Variants in PRDM5 observed in about 807,000 individuals in gnomAD.
The protein encoded by PRDM5 is PR/SET domain 5.
Under a neutral mutation model 81.2 loss-of-function variants are expected in PRDM5, and 56 were observed. That is an observed-to-expected ratio of 0.69 (90% CI 0.56 to 0.86). The LOEUF (loss-of-function observed/expected upper bound fraction) is 0.86, where lower values mean the gene tolerates loss of function less well. Ranked by LOEUF, PRDM5 falls within the 40% of genes least tolerant of loss-of-function variation. The probability of loss-of-function intolerance (pLI) is 0.00; values close to 1 mark genes in which losing one functional copy is unlikely to be tolerated. For missense variants in PRDM5, 697 were observed against 770.1 expected (o/e 0.91, Z 1.12); for synonymous variants, 267 against 256.4 (o/e 1.04, Z -0.39).
chr4:120,892,813 C>T (rs999008177), intron 2 of PRDM5, among the ~76,000 whole-genome samples: 2 of 152,202 alleles, frequency 1.3e-5, no homozygotes, highest in Non-Finnish European at 1.5e-5. Flanking sequence ...AGCTCTATCA[C>T]GTATTGCCTG....
chr4:120,761,320 C>G (rs1379917145), intron 13 of PRDM5, among the ~76,000 whole-genome samples: 2 of 152,150 alleles, frequency 1.3e-5, no homozygotes, highest in African/African-American at 2.4e-5. Flanking sequence ...CTGGCCCCAA[C>G]AAGCTACCTT....
rs149869062 is a variant in PRDM5 at position 120,811,800 on chromosome 4, T to G, written c.866-351A>C. On this transcript the variant is annotated intron_variant, in intron 7 of 15. Transcript: ENST00000264808. The stretch of plus-strand genomic sequence containing the variant: ...TTTTCGGGTACATGTGATGTTTCAA[T>G]ATAGGCATGCAATGTGTAATAATCA... Among the ~76,000 whole-genome samples, 117 of 152,216 alleles carry G rather than the reference T, an allele frequency of 7.7e-4. 1 individual carries two copies. The East Asian group carries it at 0.022, about 28-fold the overall frequency.
intron 8 of PRDM5, among the ~76,000 whole-genome samples, chr4:120,804,325 G>C (rs540118680): frequency 6.6e-6 from 1 of 151,672 alleles, no homozygotes; most frequent in South Asian, 2.1e-4. Flanking sequence ...TCCAGGAATT[G>C]AACTCAGCTC....
At chr4:120,701,983 T>G (rs1211882979) in intron 15 of PRDM5, among the ~76,000 whole-genome samples, 1 of 152,188 alleles carries the variant, frequency 6.6e-6, no homozygotes, top group East Asian at 1.9e-4. Context: ...GTGGTACAAC[T>G]TCCCCTCTCT....
chr4:120,742,618 A>G (rs1312714174), intron 14 of PRDM5, among the ~76,000 whole-genome samples: 1 of 152,238 alleles, frequency 6.6e-6, no homozygotes, highest in Non-Finnish European at 1.5e-5. Flanking sequence ...AGGCTTGAGA[A>G]CTACGTGAAG....
intron 14 of PRDM5, among the ~76,000 whole-genome samples, chr4:120,733,940 A>G (rs1241569580): frequency 6.6e-6 from 1 of 151,890 alleles, no homozygotes; most frequent in Non-Finnish European, 1.5e-5. Context: ...TTAATGTACC[A>G]GTAAAGTATG....
At chr4:120,898,699 G>A (rs1764923076) in intron 2 of PRDM5, among the ~76,000 whole-genome samples, 1 of 152,142 alleles carries the variant, frequency 6.6e-6, no homozygotes, top group Admixed American at 6.5e-5. Context: ...TAATATTGAT[G>A]TGTTCAAGTT....
chr4:120,686,971 C>T (rs991223343), downstream of PRDM5, among the ~76,000 whole-genome samples: 2 of 151,878 alleles, frequency 1.3e-5, no homozygotes, highest in East Asian at 3.9e-4. Context: ...GTAATATGAC[C>T]TCCAGTAAGA....
chr4:120,717,860 G>A (rs1251623877), intron 14 of PRDM5, among the ~76,000 whole-genome samples: 1 of 152,160 alleles, frequency 6.6e-6, no homozygotes, highest in African/African-American at 2.4e-5. Flanking sequence ...TAAAATCAGT[G>A]AGCTCTTTCT....
intron 14 of PRDM5, among the ~76,000 whole-genome samples, chr4:120,721,571 A>C (rs1738613470): frequency 6.6e-6 from 1 of 152,220 alleles, no homozygotes; most frequent in African/African-American, 2.4e-5. Context: ...CTATGTTCAC[A>C]AACTGCCTAC....
intron 15 of PRDM5, among the ~76,000 whole-genome samples, chr4:120,698,355 C>A (rs185258011): frequency 6.6e-6 from 1 of 152,078 alleles, no homozygotes; most frequent in African/African-American, 2.4e-5. Flanking sequence ...TAATGATCTA[C>A]TCTCCTTGTT....
chr4:120,697,668 CTATTTTTTTTTT>C (rs1734697139), intron 15 of PRDM5, among the ~76,000 whole-genome samples: 1 of 42,862 alleles, frequency 2.3e-5, no homozygotes, highest in African/African-American at 5.4e-5. Context: ...GCCCAGCTAA[CTATTTTTTTTTT>C]TTTTTTTTTT....
intron 3 of PRDM5, among the ~76,000 whole-genome samples, chr4:120,839,716 C>A (rs1757774202): frequency 6.6e-6 from 1 of 152,200 alleles, no homozygotes; most frequent in Non-Finnish European, 1.5e-5. Flanking sequence ...GGGTACCTGC[C>A]CCCTTTTGCC....
chr4:120,868,978 C>A (rs888556717), intron 2 of PRDM5, among the ~76,000 whole-genome samples: 2 of 152,050 alleles, frequency 1.3e-5, no homozygotes, highest in African/African-American at 4.8e-5. Context: ...ATCAACATAG[C>A]CCTCCTTTGG....
At chr4:120,755,568 T>A (rs1450688539) in intron 13 of PRDM5, among the ~76,000 whole-genome samples, 1 of 152,204 alleles carries the variant, frequency 6.6e-6, no homozygotes, top group African/African-American at 2.4e-5. Flanking sequence ...CTCTCTCATG[T>A]TCCATTTGGT....
chr4:120,797,402 AG>A (rs1489886742), intron 10 of PRDM5, among the ~76,000 whole-genome samples: 1 of 152,152 alleles, frequency 6.6e-6, no homozygotes, highest in African/African-American at 2.4e-5. Context: ...GGATTGCAGC[AG>A]GAAGTGATAA....
At chr4:120,742,671 G>T (rs1328266339) in intron 14 of PRDM5, among the ~76,000 whole-genome samples, 1 of 152,192 alleles carries the variant, frequency 6.6e-6, no homozygotes, top group African/African-American at 2.4e-5. Context: ...CTGGAAGAAA[G>T]GGTATCAGCA....
chr4:120,785,284 T>C (rs1413490909), intron 10 of PRDM5, among the ~76,000 whole-genome samples, 193 bp from the exon 11 acceptor site: 3 of 152,118 alleles, frequency 2.0e-5, no homozygotes, highest in Admixed American at 6.6e-5. Flanking sequence ...AAAATAACTT[T>C]TGAATGCTCA....
chr4:120,790,239 C>A (rs1198745978), intron 10 of PRDM5, among the ~76,000 whole-genome samples: 3 of 152,198 alleles, frequency 2.0e-5, no homozygotes, highest in Non-Finnish European at 4.4e-5. Context: ...CCATTTATTA[C>A]AGCTAACTTA....
Sources: gnomAD v4.1 joint callset for allele counts (sites outside exome capture counted in the v4.1 genomes callset) on GRCh38, gnomAD v4.1.1 for gene constraint, MANE v1.5 for transcripts, NCBI Gene and HGNC (gene_info 2026-07-23, HGNC 2026-07-21) for gene names.